The following CFAP20DC variants were observed in gnomAD, a reference collection of about 807,000 sequenced individuals.
CFAP20DC encodes protein CFAP20DC.
A neutral mutation model predicts 101.7 loss-of-function variants in CFAP20DC; 84 were observed. That is an observed-to-expected ratio of 0.83 (90% CI 0.69 to 0.99). The LOEUF is 0.99. CFAP20DC is among the 50% of genes least tolerant of loss of function. CFAP20DC has a pLI of 0.00. For synonymous variants in CFAP20DC, 359 were observed against 351.2 expected, an observed-to-expected ratio of 1.02 and a Z score of -0.25; for missense variants, 1,007 against 970.3, an observed-to-expected ratio of 1.04 and a Z score of -0.50.
rs1575509753 is a variant in CFAP20DC, at chr3:58,717,762, G to C, written c.198-134C>G. 1 of 338,872 alleles carries C rather than the reference G, an allele frequency of 3.0e-6. No individual in the cohort carries two copies. The highest frequency in any genetic ancestry group is 2.4e-5 in the South Asian group (1 of 42,496). 21.0% of individuals were successfully genotyped at this position (338,872 alleles called of 1,614,324 possible). A position where few individuals can be genotyped will look rare whatever the true frequency, so the allele number is the denominator to read the frequency against. The stretch of plus-strand genomic sequence containing the variant: ...AGTCTCATCCTGAATACTTTGGCTG[G>C]CAACTTATTAGCTAGAACTGGTGAC... On this transcript the variant is annotated intron_variant, in intron 3 of 3. Transcript: ENST00000486145. The surrounding 1 kb of genome is among the most constrained non-coding windows in gnomAD (Gnocchi z 4.1).
chr3:59,037,202 A>G (rs930508015), intron 4 of CFAP20DC, among the ~76,000 whole-genome samples: 4 of 152,204 alleles, frequency 2.6e-5, no homozygotes, highest in African/African-American at 7.2e-5. Context: ...AGGCAATACC[A>G]TTCAGGACAT....
At chr3:58,838,874 T>C (rs1030996414) in intron 13 of CFAP20DC, among the ~76,000 whole-genome samples, 8 of 152,208 alleles carry the variant, frequency 5.3e-5, no homozygotes, top group African/African-American at 1.7e-4. Flanking sequence ...CGAATAGGTT[T>C]CATACTATAT....
rs142874488 is a variant in CFAP20DC at position 58,747,439 on chromosome 3, C to T, written c.2333-4867G>A. Among the ~76,000 whole-genome samples the T allele has an allele frequency of 2.3e-3, 353 of 152,224 alleles. 2 individuals are homozygous for T. The Middle Eastern group carries it at 0.024, about 10-fold the overall frequency. On this transcript the variant is annotated intron_variant, in intron 16 of 16. Transcript: ENST00000482387. The stretch of plus-strand genomic sequence containing the variant: ...CATTTTAACTGTAGATAATAGAAAA[C>T]CTACACACCCAAGATGTCTCTTCAA...
chr3:58,948,553 T>G (rs1228724484), intron 4 of CFAP20DC, among the ~76,000 whole-genome samples: 1 of 152,186 alleles, frequency 6.6e-6, no homozygotes, highest in Non-Finnish European at 1.5e-5. Context: ...TATATTCCAG[T>G]TTTGTCACTT....
intron 6 of CFAP20DC, among the ~76,000 whole-genome samples, chr3:58,906,039 G>T (rs1559801035): frequency 6.6e-6 from 1 of 152,112 alleles, no homozygotes; most frequent in Non-Finnish European, 1.5e-5. Context: ...GTGTGACATT[G>T]TGCACCTTAC....
intron 14 of CFAP20DC, among the ~76,000 whole-genome samples, chr3:58,819,862 T>A (rs1345592917): frequency 5.0e-4 from 75 of 148,866 alleles, no homozygotes; most frequent in African/African-American, 1.8e-3. Context: ...TAGACCAATA[T>A]CCTTGATGAA....
At chr3:58,908,171 C>T (rs778184809) in intron 6 of CFAP20DC, among the ~76,000 whole-genome samples, 2 of 152,158 alleles carry the variant, frequency 1.3e-5, no homozygotes, top group Non-Finnish European at 2.9e-5. Flanking sequence ...CAAAGTCTTG[C>T]AATGCAGAGG....
intron 15 of CFAP20DC, among the ~76,000 whole-genome samples, chr3:58,796,659 C>T (rs996157184): frequency 1.1e-4 from 17 of 152,188 alleles, no homozygotes; most frequent in Admixed American, 8.5e-4. Flanking sequence ...TTGAGACACA[C>T]ACATACACAC....
chr3:58,791,091 T>C (rs1403833882), intron 15 of CFAP20DC, among the ~76,000 whole-genome samples: 1 of 152,162 alleles, frequency 6.6e-6, no homozygotes, highest in Admixed American at 6.6e-5. Context: ...GCACTGAGCC[T>C]GCTTCCCTGG....
intron 5 of CFAP20DC, among the ~76,000 whole-genome samples, chr3:58,930,919 C>T (rs1297433951): frequency 6.6e-6 from 1 of 152,086 alleles, no homozygotes; most frequent in Admixed American, 6.5e-5. Flanking sequence ...ACAGTGGGCG[C>T]AGGACAGTGG....
intron 14 of CFAP20DC, among the ~76,000 whole-genome samples, chr3:58,808,893 A>C (rs955459820): frequency 1.3e-5 from 2 of 152,112 alleles, no homozygotes; most frequent in East Asian, 1.9e-4. Context: ...ACGGAAAACA[A>C]AAAAAGGCAG....
At position 58,742,586 on chromosome 3, in the gene CFAP20DC, G is replaced by C. The variant is rs2067935804; in HGVS notation, c.2333-14C>G. ...GGTCTTCTTCACCTGTGGGGAAGGG[G>C]AACCACAGACACATTAGCTGTTGGC... On this transcript the variant is annotated splice_polypyrimidine_tract_variant and intron_variant, in intron 16 of 16. Coordinates refer to ENST00000482387, the MANE Select transcript of CFAP20DC (RefSeq NM_001394063.1). 1.5e-5 allele frequency: 23 copies of C among 1,585,358 alleles called. No individual in the cohort carries two copies. The East Asian group carries it at 5.3e-4, about 36-fold the overall frequency.
rs192799436 is a variant in CFAP20DC, at chr3:58,896,016, A to C, written c.551-11307T>G. 1.6e-4 allele frequency among the ~76,000 whole-genome samples: 24 copies of C among 152,308 alleles called. No individual in the cohort carries two copies. The East Asian group carries it at 3.7e-3, about 23-fold the overall frequency. On this transcript the variant is annotated intron_variant, in intron 6 of 16. Coordinates refer to ENST00000482387, the MANE Select transcript of CFAP20DC (RefSeq NM_001394063.1). ...TCCATCCCACAACATGTGGGAATTC[A>C]AGATGAGATCTGGGTGGGGACACAG...
chr3:58,753,335 A>G (rs979716956), intron 16 of CFAP20DC, among the ~76,000 whole-genome samples: 1 of 152,214 alleles, frequency 6.6e-6, no homozygotes, highest in Admixed American at 6.5e-5. Flanking sequence ...GGTATTTGGT[A>G]GGCACTATTC....
chr3:59,045,169 A>G (rs1222067160), intron 3 of CFAP20DC, among the ~76,000 whole-genome samples: 1 of 152,100 alleles, frequency 6.6e-6, no homozygotes, highest in Non-Finnish European at 1.5e-5. Flanking sequence ...TCTTTCACTT[A>G]TAACTTCTAT....
intron 7 of CFAP20DC, among the ~76,000 whole-genome samples, chr3:58,872,152 GCTGTGACCCAC>G (rs1260340628): frequency 3.3e-5 from 5 of 152,254 alleles, no homozygotes; most frequent in Admixed American, 2.6e-4. Context: ...AAAGCCTTCT[GCTGTGACCCAC>G]CTGTAAGACA....
At chr3:58,916,571 T>C (rs1227517047) in intron 5 of CFAP20DC, among the ~76,000 whole-genome samples, 3 of 152,164 alleles carry the variant, frequency 2.0e-5, no homozygotes, top group African/African-American at 4.8e-5. Context: ...ATTGAGTATA[T>C]GTGTACATGC....
Position 58,717,451 on chromosome 3 carries a change from C to A in CFAP20DC, c.*137G>T. 3.6e-6 allele frequency: 1 copy of A among 279,624 alleles called. No homozygotes were observed. Among genetic ancestry groups the A allele is most frequent in the Non-Finnish European group, 7.2e-6 (1 of 138,290 alleles). The allele number at this position is 279,624 out of a possible 1,614,324, so 17.3% of individuals were successfully genotyped here. A position where few individuals can be genotyped will look rare whatever the true frequency, so the allele number is the denominator to read the frequency against. ...CCAAGGATGCTTTGGGATCTGTAGA[C>A]AAAAGATGCTTATTCTTCTCATGTG... is the stretch of plus-strand genomic sequence containing the variant. On this transcript the variant is annotated 3_prime_UTR_variant, in exon 4 of 4. Coordinates refer to the CFAP20DC transcript ENST00000486145. This position sits in a 1 kb window ranked among gnomAD's most constrained non-coding sequence, Gnocchi z 4.1.
chr3:58,924,543 G>A (rs2085739525), intron 5 of CFAP20DC, among the ~76,000 whole-genome samples: 1 of 152,056 alleles, frequency 6.6e-6, no homozygotes, highest in Non-Finnish European at 1.5e-5. Flanking sequence ...ACATATTAGG[G>A]CAGATGTCTT....
Sources: allele counts gnomAD v4.1 joint callset (sites outside exome capture counted in the v4.1 genomes callset), GRCh38; gene constraint gnomAD v4.1.1; non-coding constraint Gnocchi (gnomAD v3.1); transcripts MANE v1.5; gene names NCBI Gene and HGNC (gene_info 2026-07-23, HGNC 2026-07-21).